Variants in MALT1 observed in about 807,000 individuals in gnomAD.
The protein encoded by MALT1 is mucosa-associated lymphoid tissue lymphoma translocation protein 1.
MALT1 carries 36 observed loss-of-function variants against 85.5 expected under a neutral mutation model. The observed-to-expected ratio is 0.42, with a 90% CI of 0.32 to 0.56. The LOEUF (loss-of-function observed/expected upper bound fraction) is 0.56. MALT1 is among the 20% of genes least tolerant of loss of function. The pLI is 0.10. For missense variants in MALT1, 716 were observed against 981.6 expected (o/e 0.73, Z 3.62); for synonymous variants, 359 against 361.3 (o/e 0.99, Z 0.07).
rs200797650 is a variant in MALT1, at chr18:58,744,426, C to G, written c.1842C>G (p.Ile614Met). Reference sequence around the variant, plus strand: ...CTGAGTTTTCCAATGTCATGATCATCTATACAAGTATAGTTTACAAACCAC... The same window carrying G: ...CTGAGTTTTCCAATGTCATGATCATGTATACAAGTATAGTTTACAAACCAC... ...FAAEFSNVMI[I>M]YTSIVYKPPE... Residue 614 changes from isoleucine to methionine, a missense_variant, in exon 15 of 17, where the codon ATC becomes ATG. This residue lies in a region of MALT1 where 260 missense variants were observed against 323.7 expected (regional missense o/e 0.80). Transcript: ENST00000649217. The G allele has an allele frequency of 6.2e-7, 1 of 1,608,468 alleles. No individual in the cohort carries two copies. The highest frequency in any genetic ancestry group is 8.5e-7 in the Non-Finnish European group (1 of 1,175,952).
At chr18:58,713,914 T>G (rs1421145281) in intron 7 of MALT1, among the ~76,000 whole-genome samples, 169 bp from the exon 8 acceptor site, 1 of 152,210 alleles carries the variant, frequency 6.6e-6, no homozygotes, top group Admixed American at 6.5e-5. Context: ...ATATTCACTA[T>G]TCTTTGCTAT....
chr18:58,705,571 G>A (rs12455113), intron 4 of MALT1, among the ~76,000 whole-genome samples: 78,135 of 139,768 alleles, frequency 0.56, 22,692 homozygotes, highest in Non-Finnish European at 0.66. Context: ...GAGAATATGC[G>A]GTGTTTGGTT....
intron 9 of MALT1, among the ~76,000 whole-genome samples, chr18:58,717,441 G>A (rs948935334): frequency 6.6e-6 from 1 of 151,988 alleles, no homozygotes; most frequent in Non-Finnish European, 1.5e-5. Flanking sequence ...GAGGCTTAGA[G>A]GCTAAAGAAA....
chr18:58,692,110 G>C (rs2054514162), intron 2 of MALT1: 1 of 151,718 alleles, frequency 6.6e-6, no homozygotes, highest in Non-Finnish European at 1.5e-5. Context: ...GGTTTCCAGT[G>C]GGAGACATCC....
chr18:58,694,565 C>T (rs2054560942), intron 2 of MALT1, among the ~76,000 whole-genome samples: 1 of 152,218 alleles, frequency 6.6e-6, no homozygotes, highest in African/African-American at 2.4e-5. Flanking sequence ...AGCCAGCTAA[C>T]CCAGTTTTAT....
intron 9 of MALT1, among the ~76,000 whole-genome samples, chr18:58,722,627 G>A (rs2055000419): frequency 6.6e-6 from 1 of 152,090 alleles, no homozygotes; most frequent in South Asian, 2.1e-4. Flanking sequence ...CTTGTTTTTA[G>A]CCTCTTCCAT....
chr18:58,714,899 A>G (rs1321407099), intron 8 of MALT1, among the ~76,000 whole-genome samples: 1 of 152,192 alleles, frequency 6.6e-6, no homozygotes, highest in African/African-American at 2.4e-5. Flanking sequence ...CTTATTTCTC[A>G]TTATTTTAGC....
chr18:58,740,922 C>T (rs9946417), intron 13 of MALT1, among the ~76,000 whole-genome samples: 56,926 of 151,938 alleles, frequency 0.37, 11,955 homozygotes, highest in African/African-American at 0.58. Context: ...TGACTATTTT[C>T]GTGTTTTAAA....
In MALT1 at chr18:58,748,600, G is replaced by T. The variant is rs1469802219; in HGVS notation, c.*758G>T. On this transcript the variant is annotated 3_prime_UTR_variant, in exon 17 of 17. Coordinates refer to ENST00000649217, the MANE Select transcript of MALT1 (RefSeq NM_006785.4). ...AAGCTAGATAGAGGTTAAGAATCAA[G>T]ATATAATGGATAATTTTCATAGCTG... is the stretch of plus-strand genomic sequence containing the variant. 5.3e-6 allele frequency: 1 copy of T among 188,932 alleles called. No individual in the cohort carries two copies. The highest frequency in any genetic ancestry group is 1.1e-5 in the Non-Finnish European group (1 of 89,550). 11.7% of individuals were successfully genotyped at this position (188,932 alleles called of 1,614,324 possible).
In MALT1 at chr18:58,723,239, A is replaced by G. The variant is rs2055008611; in HGVS notation, c.1210A>G (p.Lys404Glu). 1 of 1,608,142 alleles carries G rather than the reference A, an allele frequency of 6.2e-7. No homozygotes were observed. Among genetic ancestry groups the G allele is most frequent in the Non-Finnish European group, 8.5e-7 (1 of 1,174,822 alleles). ...AVDEFLLLLD[K>E]GVYGLLYYAG... is the part of the protein sequence containing the mutation. Reference sequence around the variant, plus strand: ...GGATGAGTTTTTACTCCTTTTAGACAAGGGAGTATATGGTAAGATATTTAT... The same window carrying G: ...GGATGAGTTTTTACTCCTTTTAGACGAGGGAGTATATGGTAAGATATTTAT... Residue 404 changes from lysine (K) to glutamate (E), a missense_variant, in exon 10 of 17, where the codon AAG becomes GAG. This residue lies in a region of MALT1 where 86 missense variants were observed against 212.3 expected (regional missense o/e 0.41). Coordinates refer to ENST00000649217, the MANE Select transcript of MALT1 (RefSeq NM_006785.4).
rs1434053391 is a variant in MALT1 at position 58,752,097 on chromosome 18, GAAGA to G, written c.*4258_*4261del. 6.6e-6 allele frequency: 1 copy of G among 152,200 alleles called. No homozygotes were observed. The highest frequency in any genetic ancestry group is 6.5e-5 in the Admixed American group (1 of 15,278). The allele number at this position is 152,200 out of a possible 1,614,324, so 9.4% of individuals were successfully genotyped here. A position where few individuals can be genotyped will look rare whatever the true frequency, so the allele number is the denominator to read the frequency against. ...TCGCAATTTTTTGACTTGTCAAATT[GAAGA>G]AATTCAATTATGTAGCCAGAGCTTA... On this transcript the variant is annotated 3_prime_UTR_variant, in exon 17 of 17. Transcript: ENST00000649217.
At chr18:58,736,254 T>C (rs955277585) in intron 13 of MALT1, among the ~76,000 whole-genome samples, 5 of 152,220 alleles carry the variant, frequency 3.3e-5, no homozygotes, top group Non-Finnish European at 7.3e-5. Flanking sequence ...GCCATATTTA[T>C]TTTCATGTTT....
chr18:58,711,520 G>T (rs1170572713), intron 7 of MALT1, among the ~76,000 whole-genome samples: 1 of 152,120 alleles, frequency 6.6e-6, no homozygotes, highest in East Asian at 1.9e-4. Context: ...ACCATAATAT[G>T]TAAAGGGAAC....
rs117524591 is a variant in MALT1, at chr18:58,679,585, G to A, written c.210-1585G>A. ...TTTCTTTTTTTTAAGACCGAGTCTC[G>A]ATCTGTCGCCCAAGCTGGAGTGCAG... On this transcript the variant is annotated intron_variant, in intron 1 of 16. Transcript: ENST00000649217. Among the ~76,000 whole-genome samples, 158 of 152,166 alleles carry A rather than the reference G, an allele frequency of 1.0e-3. No homozygotes were observed. In the East Asian group the frequency reaches 0.024, roughly 23 times the overall value.
intron 3 of MALT1, among the ~76,000 whole-genome samples, chr18:58,697,604 T>C (rs572206728): frequency 3.4e-4 from 52 of 152,358 alleles, no homozygotes; most frequent in African/African-American, 1.2e-3. Flanking sequence ...TTCATTTTAT[T>C]AAATGCCCTT....
chr18:58,726,158 C>T (rs1006235092), intron 10 of MALT1, among the ~76,000 whole-genome samples: 2 of 151,988 alleles, frequency 1.3e-5, no homozygotes, highest in East Asian at 1.9e-4. Context: ...GAAGCTTTGC[C>T]CCAATATAAA....
At chr18:58,724,726 A>G (rs1196176241) in intron 10 of MALT1, among the ~76,000 whole-genome samples, 4 of 152,174 alleles carry the variant, frequency 2.6e-5, no homozygotes, top group Non-Finnish European at 5.9e-5. Context: ...AACATAAATG[A>G]GGCTGGGCAT....
In MALT1 at chr18:58,698,395, G is replaced by A. The variant is rs545742020; in HGVS notation, c.498+1908G>A. On this transcript the variant is annotated intron_variant, in intron 3 of 16. Transcript: ENST00000649217. Reference sequence around the variant, plus strand: ...TCATGTTTTTAAAACATAAACTTGCGGCTTGAAGGAAGCAGAGAACAGCAA... The same window carrying A: ...TCATGTTTTTAAAACATAAACTTGCAGCTTGAAGGAAGCAGAGAACAGCAA... 3.1e-4 allele frequency among the ~76,000 whole-genome samples: 47 copies of A among 152,214 alleles called. 1 individual carries two copies. The highest frequency in any genetic ancestry group is 2.2e-3 in the Admixed American group (33 of 15,284).
At position 58,718,280 on chromosome 18, in the gene MALT1, C is replaced by T. The variant is rs555285226; in HGVS notation, c.1018+2313C>T. On this transcript the variant is annotated intron_variant, in intron 9 of 16. Coordinates refer to ENST00000649217, the MANE Select transcript of MALT1 (RefSeq NM_006785.4). ...AAGAATAACAAGATAAATGGAATAT[C>T]AGGTCAACTTCTATCATTGAAGTTC... Among the ~76,000 whole-genome samples the T allele has an allele frequency of 2.0e-5, 3 of 152,294 alleles. No homozygotes were observed. In the South Asian group the frequency reaches 6.2e-4, roughly 32 times the overall value.
Sources: allele counts gnomAD v4.1 joint callset (sites outside exome capture counted in the v4.1 genomes callset), GRCh38; gene constraint gnomAD v4.1.1; regional missense constraint gnomAD v4.1.1; transcripts MANE v1.5; gene names NCBI Gene and HGNC (gene_info 2026-07-23, HGNC 2026-07-21).